Variants in ZNF107 observed in about 807,000 individuals in gnomAD.
ZNF107 encodes the protein C2H2 type zinc-finger protein.
A neutral mutation model predicts 12.3 loss-of-function variants in ZNF107; 19 were observed. The ratio of observed to expected loss-of-function variants is 1.55; its 90% CI spans 1.08 to 2.27. The LOEUF (loss-of-function observed/expected upper bound fraction) is 2.27. Ranked by LOEUF, ZNF107 falls within the 30% of genes most tolerant of loss-of-function variation. The pLI, the probability that ZNF107 is intolerant of heterozygous loss-of-function variation, is 0.00. For synonymous variants in ZNF107, 317 were observed against 330.5 expected (o/e 0.96, Z 0.44); for missense variants, 958 against 979.9 (o/e 0.98, Z 0.30).
chr7:64,708,918 A>G lies in ZNF107; in HGVS notation c.*262A>G, dbSNP rs769232516. 4 of 561,936 alleles carry G rather than the reference A, an allele frequency of 7.1e-6. No homozygotes were observed. The highest frequency in any genetic ancestry group is 1.3e-5 in the Non-Finnish European group (4 of 311,416). 34.8% of individuals were successfully genotyped at this position (561,936 alleles called of 1,614,324 possible). A position where few individuals can be genotyped will look rare whatever the true frequency, so the allele number is the denominator to read the frequency against. On this transcript the variant is annotated 3_prime_UTR_variant, in exon 4 of 4. Transcript: ENST00000620827. ...TGGCAAATCCTTTAACTGATCCTCA[A>G]CTTTTACTAAACATAAGGTAATTCA...
chr7:64,682,463 C>A (rs1259911418), intron 1 of ZNF107, among the ~76,000 whole-genome samples: 1 of 152,126 alleles, frequency 6.6e-6, no homozygotes, highest in Non-Finnish European at 1.5e-5. Context: ...AACCTTCCCT[C>A]ATTCATCCTT....
At chr7:64,668,322 G>A (rs1310287260) in intron 1 of ZNF107, among the ~76,000 whole-genome samples, 4 of 94,348 alleles carry the variant, frequency 4.2e-5, no homozygotes, top group Non-Finnish European at 5.8e-5. Context: ...CCACCCCACA[G>A]CAGGCCCCAG....
In ZNF107 at chr7:64,708,726, T is replaced by G; in HGVS notation, c.*70T>G. On this transcript the variant is annotated 3_prime_UTR_variant, in exon 4 of 4. Coordinates refer to ENST00000620827, the MANE Select transcript of ZNF107 (RefSeq NM_001282359.2). Reference sequence around the variant, plus strand: ...AGAAACTACAAATGTGAAGAATGTGTTAAAGCCTTTAACAAGTCTTCAACT... The same window carrying G: ...AGAAACTACAAATGTGAAGAATGTGGTAAAGCCTTTAACAAGTCTTCAACT... The G allele has an allele frequency of 6.9e-7, 1 of 1,443,154 alleles. No homozygotes were observed. The allele number at this position is 1,443,154 out of a possible 1,614,324, so 89.4% of individuals were successfully genotyped here.
rs1584494687 is a variant in ZNF107, at chr7:64,708,308, ATG to A, written c.2214_2215del (p.Cys738TrpfsTer5). On this transcript the variant is annotated frameshift_variant, in exon 4 of 4. Coordinates refer to ENST00000620827, the MANE Select transcript of ZNF107 (RefSeq NM_001282359.2). LOFTEE classifies it low-confidence loss of function (END_TRUNC). ...TGEKPYKCKECGKAFNLSSTL... is the reference protein window; with the variant it reads ...TGEKPYKCKEXGKAFNLSSTL... Reference sequence around the variant, plus strand: ...GAGAGAAACCTTACAAATGTAAAGAATGTGGCAAAGCTTTTAACCTATCCTCA... The same window carrying A: ...GAGAGAAACCTTACAAATGTAAAGAATGGCAAAGCTTTTAACCTATCCTCA... 1.2e-6 allele frequency: 2 copies of A among 1,613,524 alleles called. No individual in the cohort carries two copies. The highest frequency in any genetic ancestry group is 1.7e-6 in the Non-Finnish European group (2 of 1,179,768).
chr7:64,674,314 G>GT (rs1308813207), intron 1 of ZNF107, among the ~76,000 whole-genome samples: 1 of 152,068 alleles, frequency 6.6e-6, no homozygotes, highest in Non-Finnish European at 1.5e-5. Context: ...AATTGTTGTT[G>GT]TAGAGATCTT....
chr7:64,699,939 T>C (rs11773334), intron 3 of ZNF107, among the ~76,000 whole-genome samples: 140,816 of 151,568 alleles, frequency 0.93, 65,444 homozygotes, highest in African/African-American at 0.94. Context: ...TGGTAGCGGG[T>C]GCCTGTAGTC....
chr7:64,675,070 T>C (rs1168671777), intron 1 of ZNF107, among the ~76,000 whole-genome samples: 1 of 152,226 alleles, frequency 6.6e-6, no homozygotes, highest in East Asian at 1.9e-4. Context: ...AGTTTTCTTT[T>C]TTTGTTATAT....
intron 1 of ZNF107, among the ~76,000 whole-genome samples, chr7:64,688,400 G>C (rs777995422): frequency 6.6e-6 from 1 of 151,794 alleles, no homozygotes; most frequent in Non-Finnish European, 1.5e-5. Context: ...GGGATTACAA[G>C]CACGCACCAA....
At position 64,708,389 on chromosome 7, in the gene ZNF107, A is replaced by C. The variant is rs1790765243; in HGVS notation, c.2292A>C (p.Glu764Asp). Reference sequence around the variant, plus strand: ...CTGGAGAGAAACCCTATAAATGTGAAGAATGTGGCAAAGCTTTTAACCAAT... The same window carrying C: ...CTGGAGAGAAACCCTATAAATGTGACGAATGTGGCAAAGCTTTTAACCAAT... ...IHTGEKPYKC[E>D]ECGKAFNQSS... The change falls in exon 4 of 4, where the codon GAA becomes GAC. Residue 764 changes from glutamate (E) to aspartate (D), a missense_variant. Physicochemically the swap from Glu to Asp is conservative, Grantham distance 45. Coordinates refer to ENST00000620827, the MANE Select transcript of ZNF107 (RefSeq NM_001282359.2). 6.2e-7 allele frequency: 1 copy of C among 1,613,160 alleles called. No individual in the cohort carries two copies. The highest frequency in any genetic ancestry group is 8.5e-7 in the Non-Finnish European group (1 of 1,179,688).
chr7:64,677,835 G>A (rs945007691), intron 1 of ZNF107, among the ~76,000 whole-genome samples: 1 of 110,868 alleles, frequency 9.0e-6, no homozygotes, highest in African/African-American at 3.6e-5. Context: ...CTGGGCGACA[G>A]AGCAAGACTC....
rs556481513 is a variant in ZNF107, at chr7:64,708,596, T to C, written c.2499T>C (p.Thr833=). The C allele has an allele frequency of 6.2e-7, 1 of 1,611,208 alleles. No homozygotes were observed. The highest frequency in any genetic ancestry group is 1.7e-5 in the Admixed American group (1 of 59,600). Residue 833 remains threonine, a synonymous_variant, in exon 4 of 4, where the codon ACT becomes ACC. Transcript: ENST00000620827. The part of the protein sequence containing the change: ...GRAFNLSSNL[T]THKKIHTGEK... The stretch of plus-strand genomic sequence containing the variant: ...CTTTCAACCTATCCTCAAATCTTAC[T>C]ACACATAAGAAAATTCATACTGGAG...
At chr7:64,674,630 A>G (rs1193949692) in intron 1 of ZNF107, among the ~76,000 whole-genome samples, 2 of 152,198 alleles carry the variant, frequency 1.3e-5, no homozygotes, top group African/African-American at 4.8e-5. Context: ...AGGACCACCA[A>G]TTCTATGTTG....
rs574565579 is a variant in ZNF107, at chr7:64,678,165, T to A, written c.3+11880T>A. Among the ~76,000 whole-genome samples the A allele has an allele frequency of 1.2e-4, 19 of 152,330 alleles. No homozygotes were observed. The East Asian group carries it at 1.7e-3, about 14-fold the overall frequency. On this transcript the variant is annotated intron_variant, in intron 1 of 3. Transcript: ENST00000620827. ...TTTGTTTTTGCTTTGGCAAATTTTTTAAAATTTTTTAATCTTTTAAAGTAG... is the reference window on the plus strand; with the variant it reads ...TTTGTTTTTGCTTTGGCAAATTTTTAAAAATTTTTTAATCTTTTAAAGTAG...
intron 1 of ZNF107, among the ~76,000 whole-genome samples, chr7:64,666,522 C>T (rs1443009499): frequency 6.6e-6 from 1 of 152,188 alleles, no homozygotes; most frequent in African/African-American, 2.4e-5. Context: ...GTCCTGTCTC[C>T]TCCCTGCTCA....
chr7:64,688,732 C>T (rs1156951669), intron 1 of ZNF107, among the ~76,000 whole-genome samples: 1 of 152,118 alleles, frequency 6.6e-6, no homozygotes, highest in Non-Finnish European at 1.5e-5. Context: ...GGTTCAGAGA[C>T]ATTAAAATAA....
intron 1 of ZNF107, chr7:64,687,160 T>C (rs1789950382): frequency 1.4e-5 from 14 of 986,254 alleles, no homozygotes; most frequent in Non-Finnish European, 1.6e-5. Flanking sequence ...TTCTCTTGAA[T>C]GCATTGGGTG....
chr7:64,675,449 T>C (rs953150277), intron 1 of ZNF107, among the ~76,000 whole-genome samples: 12 of 152,160 alleles, frequency 7.9e-5, no homozygotes, highest in African/African-American at 2.9e-4. Context: ...GTGGTAATGC[T>C]TCTTTTGTCA....
At chr7:64,694,650 A>G (rs2128963908) in intron 3 of ZNF107, among the ~76,000 whole-genome samples, 1 of 152,130 alleles carries the variant, frequency 6.6e-6, no homozygotes, top group Non-Finnish European at 1.5e-5. Flanking sequence ...CGCAGGTGTG[A>G]TACATGATGC....
chr7:64,706,480 G>C lies in ZNF107; in HGVS notation c.383G>C (p.Gly128Ala), dbSNP rs777602324. ...KHVDECTGHKGGHNTVNQCLT... is the reference protein window; with the variant it reads ...KHVDECTGHKAGHNTVNQCLT... ...GTGGATGAGTGTACGGGGCACAAAG[G>C]AGGTCATAATACAGTTAACCAATGT... The change falls in exon 4 of 4, where the codon GGA becomes GCA. Residue 128 changes from glycine to alanine, a missense_variant. Physicochemically the swap from Gly to Ala is moderately conservative, Grantham distance 60. Transcript: ENST00000620827. The C allele has an allele frequency of 1.2e-6, 2 of 1,613,428 alleles. No homozygotes were observed. The highest frequency in any genetic ancestry group is 1.7e-6 in the Non-Finnish European group (2 of 1,179,522).
Sources: allele counts gnomAD v4.1 joint callset (sites outside exome capture counted in the v4.1 genomes callset), GRCh38; gene constraint gnomAD v4.1.1; transcripts MANE v1.5; gene names NCBI Gene and HGNC (gene_info 2026-07-23, HGNC 2026-07-21).